Variants in ASAP2 observed in about 807,000 individuals in gnomAD.
ASAP2 encodes the protein arf-GAP with SH3 domain, ANK repeat and PH domain-containing protein 2.
Under a neutral mutation model 131.4 loss-of-function variants are expected in ASAP2, and 45 were observed. The ratio of observed to expected loss-of-function variants is 0.34; its 90% CI spans 0.27 to 0.44. ASAP2 has a LOEUF of 0.44. Ranked by LOEUF, ASAP2 falls within the 20% of genes least tolerant of loss-of-function variation. The pLI is 1.00. For missense variants in ASAP2, 1,011 were observed against 1,297.0 expected, an observed-to-expected ratio of 0.78 and a Z score of 3.39; for synonymous variants, 510 against 503.0, an observed-to-expected ratio of 1.01 and a Z score of -0.19.
intron 3 of ASAP2, among the ~76,000 whole-genome samples, chr2:9,307,229 G>C (rs1669003786): frequency 6.6e-6 from 1 of 152,136 alleles, no homozygotes; most frequent in African/African-American, 2.4e-5. Flanking sequence ...GTCTGGGATA[G>C]GGCCCAGGGT....
intron 1 of ASAP2, among the ~76,000 whole-genome samples, chr2:9,240,225 T>C (rs1451812366): frequency 6.6e-6 from 1 of 151,450 alleles, no homozygotes; most frequent in African/African-American, 2.4e-5. Flanking sequence ...TCTCTGTTCA[T>C]GTCATGTCTT....
intron 1 of ASAP2, among the ~76,000 whole-genome samples, chr2:9,225,917 T>C (rs1191082101): frequency 6.6e-6 from 1 of 152,220 alleles, no homozygotes; most frequent in East Asian, 1.9e-4. Context: ...CCCCTTCCCT[T>C]CCTCCTTTCA....
At chr2:9,341,082 T>G (rs1251660854) in intron 9 of ASAP2, among the ~76,000 whole-genome samples, 2 of 152,188 alleles carry the variant, frequency 1.3e-5, no homozygotes, top group East Asian at 3.8e-4. Flanking sequence ...CTCCAGGAAT[T>G]GGGGCAACAT....
chr2:9,253,331 T>C (rs1375026660), intron 1 of ASAP2, among the ~76,000 whole-genome samples: 1 of 152,048 alleles, frequency 6.6e-6, no homozygotes, highest in African/African-American at 2.4e-5. Context: ...ACCTGGCTAA[T>C]TTTTGTATTT....
chr2:9,302,169 C>T (rs1386905886), intron 3 of ASAP2, among the ~76,000 whole-genome samples: 7 of 82,914 alleles, frequency 8.4e-5, no homozygotes, highest in Admixed American at 2.8e-4. Flanking sequence ...AGTTAGAAGC[C>T]TTTTTTTTTT....
chr2:9,249,427 A>G (rs1159695246), intron 1 of ASAP2, among the ~76,000 whole-genome samples: 1 of 152,120 alleles, frequency 6.6e-6, no homozygotes, highest in Non-Finnish European at 1.5e-5. Flanking sequence ...GATGAACTTG[A>G]GCCCCTCACT....
chr2:9,285,440 A>AGT (rs1013161382), intron 2 of ASAP2, among the ~76,000 whole-genome samples: 1 of 152,232 alleles, frequency 6.6e-6, no homozygotes, highest in Non-Finnish European at 1.5e-5. Context: ...CACAATAGTC[A>AGT]GTGCATTATG....
intron 9 of ASAP2, among the ~76,000 whole-genome samples, chr2:9,339,958 C>T (rs989646956): frequency 1.3e-5 from 2 of 152,190 alleles, no homozygotes; most frequent in African/African-American, 2.4e-5. Flanking sequence ...AGGCACTTTA[C>T]AAGTGTGGCC....
At chr2:9,244,047 C>G (rs1048653254) in intron 1 of ASAP2, among the ~76,000 whole-genome samples, 3 of 152,086 alleles carry the variant, frequency 2.0e-5, no homozygotes, top group Non-Finnish European at 4.4e-5. Flanking sequence ...TAACGATAAT[C>G]CCAGCACTTT....
chr2:9,288,236 A>G (rs1667590312), intron 2 of ASAP2, among the ~76,000 whole-genome samples: 2 of 152,188 alleles, frequency 1.3e-5, no homozygotes, highest in Non-Finnish European at 2.9e-5. Flanking sequence ...TAAATCTTCT[A>G]CCAAATCAAC....
chr2:9,324,824 C>T (rs942993492), intron 6 of ASAP2, among the ~76,000 whole-genome samples: 7 of 152,184 alleles, frequency 4.6e-5, no homozygotes, highest in African/African-American at 1.2e-4. Flanking sequence ...AAGTGTATCA[C>T]TTATAGATAA....
At chr2:9,250,326 A>G (rs1239319973) in intron 1 of ASAP2, among the ~76,000 whole-genome samples, 2 of 152,216 alleles carry the variant, frequency 1.3e-5, no homozygotes, top group African/African-American at 4.8e-5. Context: ...CCTAGGCACC[A>G]GGGAAAGAGG....
At chr2:9,393,696 C>G (rs368266994) in intron 24 of ASAP2, 49 bp downstream of exon 24, 1 of 1,514,194 alleles carries the variant, frequency 6.6e-7, no homozygotes. Flanking sequence ...GCCCTCTGAC[C>G]TCACCTGCCC....
rs999787414 is a variant in ASAP2 at position 9,216,453 on chromosome 2, ATTTTTTTTTT to A, written c.126+9239_126+9248del. 4.7e-5 allele frequency among the ~76,000 whole-genome samples: 4 copies of A among 85,420 alleles called. No homozygotes were observed. In the South Asian group the frequency reaches 1.1e-3, roughly 24 times the overall value. The allele number at this position is 85,420 out of a possible 152,430, so 56.0% of individuals were successfully genotyped here. On this transcript the variant is annotated intron_variant, in intron 1 of 27. Transcript: ENST00000281419. ...AGGTGTGCCCCACCATGCCTGTTTA[ATTTTTTTTTT>A]TTTTTTTTTTTTTTTGAGACGGTGT...
intron 16 of ASAP2, among the ~76,000 whole-genome samples, chr2:9,371,845 G>T (rs547611590): frequency 2.0e-5 from 3 of 152,074 alleles, no homozygotes; most frequent in Admixed American, 6.5e-5. Context: ...GGCCGGGCGC[G>T]GTGGCTCACG....
intron 7 of ASAP2, 21 bp from the exon 8 acceptor site, chr2:9,334,717 G>GT: frequency 6.2e-7 from 1 of 1,606,046 alleles, no homozygotes; most frequent in Non-Finnish European, 8.5e-7. Context: ...TGTCATCTCT[G>GT]TTTCTTCTTT....
At chr2:9,381,838 A>G (rs994016400) in intron 20 of ASAP2, among the ~76,000 whole-genome samples, 2 of 152,206 alleles carry the variant, frequency 1.3e-5, no homozygotes, top group Admixed American at 1.3e-4. Context: ...TAGGAGTTCA[A>G]GACTACAGTG....
intron 16 of ASAP2, among the ~76,000 whole-genome samples, chr2:9,372,202 G>A (rs1674032825): frequency 6.6e-6 from 1 of 152,240 alleles, no homozygotes; most frequent in South Asian, 2.1e-4. Context: ...CAGTCTAACT[G>A]CCTGTCAGAA....
intron 1 of ASAP2, among the ~76,000 whole-genome samples, chr2:9,267,920 A>G (rs957622030): frequency 6.5e-4 from 98 of 151,372 alleles, no homozygotes; most frequent in Non-Finnish European, 1.5e-4. Flanking sequence ...AAAAAAAAAA[A>G]AAGAATGATT....
Sources: allele counts gnomAD v4.1 joint callset (sites outside exome capture counted in the v4.1 genomes callset), GRCh38; gene constraint gnomAD v4.1.1; transcripts MANE v1.5; gene names NCBI Gene and HGNC (gene_info 2026-07-23, HGNC 2026-07-21).